ZFHX3: variants seen among roughly 807,000 people sequenced by gnomAD.
ZFHX3 encodes zinc finger homeobox protein 3.
Under a neutral mutation model 279.1 loss-of-function variants are expected in ZFHX3, and 42 were observed. The ratio of observed to expected loss-of-function variants is 0.15; its 90% CI spans 0.12 to 0.19. The LOEUF (loss-of-function observed/expected upper bound fraction) is 0.19. Ranked by LOEUF, ZFHX3 falls within the 10% of genes least tolerant of loss-of-function variation. The pLI is 1.00. For synonymous variants in ZFHX3, 2,293 were observed against 1,957.8 expected, an observed-to-expected ratio of 1.17 and a Z score of -4.52; for missense variants, 4,981 against 4,754.0, an observed-to-expected ratio of 1.05 and a Z score of -1.40.
At chr16:73,313,147 T>C (rs976553805) in intron 4 of ZFHX3, among the ~76,000 whole-genome samples, 1 of 152,192 alleles carries the variant, frequency 6.6e-6, no homozygotes, top group African/African-American at 2.4e-5. Context: ...CTCCCCCTTT[T>C]CTCGCTCTCT....
intron 7 of ZFHX3, among the ~76,000 whole-genome samples, chr16:72,806,832 C>T (rs969174273): frequency 6.6e-6 from 1 of 152,064 alleles, no homozygotes; most frequent in Non-Finnish European, 1.5e-5. Context: ...TAAGAACTAC[C>T]AAAGGGAGCC....
intron 5 of ZFHX3, among the ~76,000 whole-genome samples, chr16:73,206,886 C>A (rs1046995538): frequency 6.6e-6 from 1 of 151,772 alleles, no homozygotes; most frequent in Non-Finnish European, 1.5e-5. Flanking sequence ...GGTGTGATGG[C>A]GGGTACCTGT....
intron 3 of ZFHX3, among the ~76,000 whole-genome samples, chr16:73,397,472 T>C (rs977782138): frequency 6.6e-6 from 1 of 151,816 alleles, no homozygotes; most frequent in Non-Finnish European, 1.5e-5. Flanking sequence ...TAGGCATGGG[T>C]GTGTAGAGAG....
At chr16:73,785,383 C>T (rs1959611984) in intron 1 of ZFHX3, among the ~76,000 whole-genome samples, 1 of 152,194 alleles carries the variant, frequency 6.6e-6, no homozygotes, top group African/African-American at 2.4e-5. Context: ...TTAAATACAT[C>T]AGACAATCTA....
chr16:73,658,280 A>C (rs1268722256), intron 2 of ZFHX3, among the ~76,000 whole-genome samples: 1 of 152,202 alleles, frequency 6.6e-6, no homozygotes, highest in African/African-American at 2.4e-5. Context: ...AGGCTAAAAT[A>C]AAAATCCTTC....
At chr16:73,727,040 C>T (rs1167331660) in intron 1 of ZFHX3, among the ~76,000 whole-genome samples, 1 of 152,190 alleles carries the variant, frequency 6.6e-6, no homozygotes, top group Non-Finnish European at 1.5e-5. Context: ...CTAGTTCTCA[C>T]AGGCTGTGTG....
chr16:73,551,267 ACT>A (rs1386427320), intron 2 of ZFHX3, among the ~76,000 whole-genome samples: 2 of 152,184 alleles, frequency 1.3e-5, no homozygotes, highest in Non-Finnish European at 2.9e-5. Context: ...TGGCCCCCAC[ACT>A]CAAAAACTCA....
rs370384540 is a variant in ZFHX3 at position 73,260,680 on chromosome 16, G to GTTTTTTTTTTT, written c.-1193-3555_-1193-3545dup. Among the ~76,000 whole-genome samples the GTTTTTTTTTTT allele has an allele frequency of 4.5e-5, 4 of 88,404 alleles. 1 individual carries two copies. The highest frequency in any genetic ancestry group is 4.3e-5 in the Non-Finnish European group (2 of 46,704). 58.0% of individuals were successfully genotyped at this position (88,404 alleles called of 152,430 possible). On this transcript the variant is annotated intron_variant, in intron 4 of 17. Coordinates refer to the ZFHX3 transcript ENST00000641206. ...TCTTTGTTAGTGGTGCACCTATCTG[G>GTTTTTTTTTTT]TTTTTTTTTTTTTTTTTTTTTTTTT...
chr16:73,188,578 C>T lies in ZFHX3; in HGVS notation c.-1103-44747G>A, dbSNP rs1324581964. Among the ~76,000 whole-genome samples the T allele has an allele frequency of 2.6e-5, 4 of 152,108 alleles. No individual in the cohort carries two copies. The East Asian group carries it at 5.8e-4, about 22-fold the overall frequency. On this transcript the variant is annotated intron_variant, in intron 5 of 17. Coordinates refer to the ZFHX3 transcript ENST00000641206. ...GAGAGAAATAGTTTTTTCAGAAAAC[C>T]CTGACTAAACTATTGTGAAGTCACC...
At chr16:72,830,643 C>A (rs1461047631) in intron 4 of ZFHX3, among the ~76,000 whole-genome samples, 2 of 152,166 alleles carry the variant, frequency 1.3e-5, no homozygotes, top group Non-Finnish European at 2.9e-5. Context: ...ATGACGGCTG[C>A]CAACGCTAGG....
At chr16:73,030,564 T>C (rs1008309730) in intron 1 of ZFHX3, among the ~76,000 whole-genome samples, 5 of 152,154 alleles carry the variant, frequency 3.3e-5, no homozygotes, top group Middle Eastern at 3.2e-3. Context: ...TACAGCTCTA[T>C]TGACTCACGC....
intron 1 of ZFHX3, among the ~76,000 whole-genome samples, chr16:73,017,989 C>CT (rs11460634): frequency 0.31 from 44,603 of 143,720 alleles, 7,645 homozygotes; most frequent in East Asian, 0.52. Flanking sequence ...CAGTTTTTAT[C>CT]TTTTTTTTTT....
At chr16:73,818,360 A>G (rs1212042460) in intron 1 of ZFHX3, among the ~76,000 whole-genome samples, 1 of 152,206 alleles carries the variant, frequency 6.6e-6, no homozygotes, top group Non-Finnish European at 1.5e-5. Flanking sequence ...TTTTCATCAG[A>G]TTGGCTGACA....
intron 1 of ZFHX3, among the ~76,000 whole-genome samples, chr16:72,960,839 T>G (rs918511506): frequency 1.3e-5 from 2 of 152,022 alleles, no homozygotes; most frequent in African/African-American, 2.4e-5. Flanking sequence ...CTAGACACAC[T>G]CCGAAAAGTC....
Position 72,941,356 on chromosome 16 carries a change from A to G in ZFHX3, c.3216+9113T>C, listed in dbSNP as rs141444473. Among the ~76,000 whole-genome samples, 439 of 152,360 alleles carry G rather than the reference A, an allele frequency of 2.9e-3. 1 individual carries two copies. The highest frequency in any genetic ancestry group is 6.8e-3 in the Middle Eastern group (2 of 294). ...ATTTCTTTTGTTGGGAACCACTGGA[A>G]GAAAACGGGTTTCACAAACAAGGAA... On this transcript the variant is annotated intron_variant, in intron 3 of 9. Transcript: ENST00000268489.
intron 1 of ZFHX3, among the ~76,000 whole-genome samples, chr16:73,726,235 C>A (rs1017490036): frequency 6.6e-6 from 1 of 152,282 alleles, no homozygotes; most frequent in African/African-American, 2.4e-5. Context: ...CACAGTGGGG[C>A]TGGCTCTTAA....
intron 3 of ZFHX3, among the ~76,000 whole-genome samples, chr16:73,374,876 T>C (rs1163457980): frequency 6.6e-6 from 1 of 152,230 alleles, no homozygotes; most frequent in African/African-American, 2.4e-5. Flanking sequence ...TTAGATCCAA[T>C]GGCTTGACAG....
chr16:72,787,614 T>G lies in ZFHX3; in HGVS notation c.10662A>C (p.Lys3554Asn). 6.2e-7 allele frequency: 1 copy of G among 1,613,808 alleles called. No homozygotes were observed. Among genetic ancestry groups the G allele is most frequent in the Non-Finnish European group, 8.5e-7 (1 of 1,179,916 alleles). ...TTGCTGCTCTCGTGATTGTTCTGTG[T>G]TTGTGCAAGGCCGACTCGAGATGTT... ...LSQHLESALH[K>N]HRTITRAARN... is the part of the protein sequence containing the mutation. Residue 3554 changes from lysine to asparagine, a missense_variant, in exon 10 of 10, where the codon AAA becomes AAC. Physicochemically the swap from Lys to Asn is moderately conservative, Grantham distance 94. Transcript: ENST00000268489.
chr16:73,204,150 G>T (rs1212832085), intron 5 of ZFHX3, among the ~76,000 whole-genome samples: 1 of 151,944 alleles, frequency 6.6e-6, no homozygotes, highest in Non-Finnish European at 1.5e-5. Flanking sequence ...TTGGCATCAG[G>T]GACTGGTTTC....
Sources: gnomAD v4.1 joint callset for allele counts (sites outside exome capture counted in the v4.1 genomes callset) on GRCh38, gnomAD v4.1.1 for gene constraint, MANE v1.5 for transcripts, NCBI Gene and HGNC (gene_info 2026-07-23, HGNC 2026-07-21) for gene names.